The following UNC13C variants were observed in gnomAD, a reference collection of about 807,000 sequenced individuals.
UNC13C encodes protein unc-13 homolog C.
UNC13C carries 174 observed loss-of-function variants against 245.4 expected under a neutral mutation model. The observed-to-expected ratio is 0.71, with a 90% confidence interval of 0.63 to 0.80. The LOEUF is 0.80. Ranked by LOEUF, UNC13C falls within the 30% of genes least tolerant of loss-of-function variation. The probability of loss-of-function intolerance (pLI) is 0.00; values close to 1 mark genes in which losing one functional copy is unlikely to be tolerated. For synonymous variants in UNC13C, 992 were observed against 895.1 expected, an observed-to-expected ratio of 1.11 and a Z score of -1.93; for missense variants, 2,829 against 2,602.9, an observed-to-expected ratio of 1.09 and a Z score of -1.89.
chr15:54,574,214 T>G (rs1370940951), intron 30 of UNC13C, among the ~76,000 whole-genome samples: 1 of 152,190 alleles, frequency 6.6e-6, no homozygotes, highest in East Asian at 1.9e-4. Context: ...AATGTAACAT[T>G]AGCAGAAATT....
intron 2 of UNC13C, among the ~76,000 whole-genome samples, chr15:54,031,641 G>A (rs1896363029): frequency 6.6e-6 from 1 of 152,190 alleles, no homozygotes; most frequent in Admixed American, 6.5e-5. Flanking sequence ...TATGTAGGAA[G>A]ATGCACAAGT....
intron 19 of UNC13C, among the ~76,000 whole-genome samples, chr15:54,446,006 C>T (rs1321308312): frequency 2.0e-5 from 3 of 152,166 alleles, no homozygotes; most frequent in Non-Finnish European, 4.4e-5. Flanking sequence ...CAGCTTTCTA[C>T]CTATGGCTAG....
chr15:54,140,797 T>G (rs960908064), intron 2 of UNC13C, among the ~76,000 whole-genome samples: 3 of 151,420 alleles, frequency 2.0e-5, no homozygotes, highest in Non-Finnish European at 4.4e-5. Context: ...TGTTCTTTCA[T>G]GAGGGCACTG....
chr15:54,134,528 C>T lies in UNC13C; in HGVS notation c.2984-8490C>T, dbSNP rs545122310. Among the ~76,000 whole-genome samples the T allele has an allele frequency of 2.6e-5, 4 of 151,824 alleles. No homozygotes were observed. In the East Asian group the frequency reaches 7.8e-4, roughly 29 times the overall value. On this transcript the variant is annotated intron_variant, in intron 2 of 32. Transcript: ENST00000260323. The stretch of plus-strand genomic sequence containing the variant: ...TTGTTTTTTGTTTTTTGTTTTGAGA[C>T]GGGGTCTCGGAGTCTCGCTGTCTCG...
intron 2 of UNC13C, among the ~76,000 whole-genome samples, chr15:54,127,150 T>C (rs139339299): frequency 1.3e-5 from 2 of 152,318 alleles, no homozygotes; most frequent in East Asian, 3.9e-4. Context: ...AGTGCGGCGA[T>C]TCCTCAGTGA....
chr15:54,113,762 G>T (rs2030005845), intron 2 of UNC13C, among the ~76,000 whole-genome samples: 3 of 152,042 alleles, frequency 2.0e-5, no homozygotes, highest in Admixed American at 2.0e-4. Flanking sequence ...GAAGGCAGAG[G>T]TTGCAGTGAG....
chr15:53,921,845 GA>G, the UNC13C span, among the ~76,000 whole-genome samples: 1 of 152,140 alleles, frequency 6.6e-6, no homozygotes, highest in East Asian at 1.9e-4. Context: ...TTTAGAACCG[GA>G]ATGGACTTTA....
chr15:54,483,173 A>G (rs1893221450), intron 19 of UNC13C, among the ~76,000 whole-genome samples: 1 of 152,218 alleles, frequency 6.6e-6, no homozygotes, highest in East Asian at 1.9e-4. Flanking sequence ...AAAATAAGAC[A>G]TCATCTTACC....
At chr15:54,399,760 T>A (rs1308130583) in intron 18 of UNC13C, among the ~76,000 whole-genome samples, 1 of 151,940 alleles carries the variant, frequency 6.6e-6, no homozygotes, top group Non-Finnish European at 1.5e-5. Context: ...TCAAATTGCA[T>A]GTTTTTAAAG....
intron 19 of UNC13C, among the ~76,000 whole-genome samples, chr15:54,481,353 C>A (rs1237440657): frequency 6.6e-6 from 1 of 151,742 alleles, no homozygotes; most frequent in Non-Finnish European, 1.5e-5. Flanking sequence ...GCAGGCCAGT[C>A]CCTGACCCCT....
intron 30 of UNC13C, among the ~76,000 whole-genome samples, chr15:54,574,570 C>A (rs1323605756): frequency 6.6e-6 from 1 of 152,170 alleles, no homozygotes; most frequent in Admixed American, 6.5e-5. Flanking sequence ...ATTGCTGAGC[C>A]ATCCTCTGTT....
At chr15:54,155,716 T>C (rs935953541) in intron 4 of UNC13C, among the ~76,000 whole-genome samples, 2 of 152,190 alleles carry the variant, frequency 1.3e-5, no homozygotes, top group African/African-American at 2.4e-5. Context: ...GATGGGTGAA[T>C]AAAAGTGTTC....
At chr15:53,935,699 C>T in the UNC13C span, among the ~76,000 whole-genome samples, 4 of 152,268 alleles carry the variant, frequency 2.6e-5, no homozygotes, top group African/African-American at 9.6e-5. Context: ...TGATGGCCCA[C>T]CTAAGAACAG....
chr15:54,195,468 G>T (rs1344372937), intron 4 of UNC13C, among the ~76,000 whole-genome samples: 3 of 152,126 alleles, frequency 2.0e-5, no homozygotes, highest in African/African-American at 4.8e-5. Context: ...AAATAGTATT[G>T]TGTGGTCAAC....
intron 19 of UNC13C, among the ~76,000 whole-genome samples, chr15:54,453,955 C>A (rs1321837647): frequency 6.6e-6 from 1 of 152,062 alleles, no homozygotes; most frequent in Admixed American, 6.5e-5. Context: ...ATCTGATAAC[C>A]ATCTACCTTC....
At chr15:54,288,284 T>C (rs1220176389) in intron 10 of UNC13C, among the ~76,000 whole-genome samples, 4 of 152,152 alleles carry the variant, frequency 2.6e-5, no homozygotes, top group Non-Finnish European at 4.4e-5. Context: ...TTCCCTCTAC[T>C]AGTTTGAGTC....
At chr15:54,387,630 G>T (rs1202861108) in intron 17 of UNC13C, among the ~76,000 whole-genome samples, 1 of 152,008 alleles carries the variant, frequency 6.6e-6, no homozygotes, top group Admixed American at 6.6e-5. Context: ...TCTAACCTAT[G>T]AACTTCTATA....
chr15:54,445,063 G>C (rs1567277436), intron 19 of UNC13C, among the ~76,000 whole-genome samples: 1 of 148,250 alleles, frequency 6.7e-6, no homozygotes, highest in Non-Finnish European at 1.5e-5. Context: ...AGAATATGCA[G>C]TGTTTATTTT....
intron 18 of UNC13C, among the ~76,000 whole-genome samples, chr15:54,396,815 A>G (rs1295348356): frequency 6.6e-6 from 1 of 151,308 alleles, no homozygotes; most frequent in Admixed American, 6.6e-5. Context: ...TGAAATTCAT[A>G]TATCTTCTTT....
Sources: gnomAD v4.1 joint callset for allele counts (sites outside exome capture counted in the v4.1 genomes callset) on GRCh38, gnomAD v4.1.1 for gene constraint, MANE v1.5 for transcripts, NCBI Gene and HGNC (gene_info 2026-07-23, HGNC 2026-07-21) for gene names.